Variants in SORCS3 observed in about 807,000 individuals in gnomAD.
The protein encoded by SORCS3 is VPS10 domain-containing receptor SorCS3.
SORCS3 carries 57 observed loss-of-function variants against 146.3 expected under a neutral mutation model. The ratio of observed to expected loss-of-function variants is 0.39; its 90% CI spans 0.31 to 0.49. The LOEUF is 0.49. SORCS3 is among the 20% of genes least tolerant of loss of function. The probability of loss-of-function intolerance (pLI) is 0.92; values close to 1 mark genes in which losing one functional copy is unlikely to be tolerated. For missense variants in SORCS3, 1,341 were observed against 1,575.5 expected (o/e 0.85, Z 2.52); for synonymous variants, 653 against 618.5 (o/e 1.06, Z -0.83).
chr10:104,948,902 C>G (rs952521918), intron 3 of SORCS3, among the ~76,000 whole-genome samples: 1 of 152,134 alleles, frequency 6.6e-6, no homozygotes, highest in African/African-American at 2.4e-5. Flanking sequence ...CCCAGCTACC[C>G]ACTAAATGTT....
intron 14 of SORCS3, among the ~76,000 whole-genome samples, chr10:105,185,005 C>A (rs945031473): frequency 1.3e-5 from 2 of 152,180 alleles, no homozygotes; most frequent in Non-Finnish European, 2.9e-5. Context: ...TCACTCTATT[C>A]TCTGCTTCTA....
chr10:104,986,546 C>G lies in SORCS3; in HGVS notation c.954+9053C>G, dbSNP rs2177742. On this transcript the variant is annotated intron_variant, in intron 4 of 26. Coordinates refer to ENST00000369701, the MANE Select transcript of SORCS3 (RefSeq NM_014978.3). The stretch of plus-strand genomic sequence containing the variant: ...GCTGTTTGGCGCAAGAGACTTCACT[C>G]TCAGCCTCCTGGCTTTCAACGTGCC... Among the ~76,000 whole-genome samples, 335 of 152,338 alleles carry G rather than the reference C, an allele frequency of 2.2e-3. 11 individuals are homozygous for G. In the East Asian group the frequency reaches 0.06, roughly 27 times the overall value.
intron 1 of SORCS3, among the ~76,000 whole-genome samples, chr10:104,734,147 T>G (rs193213709): frequency 1.1e-3 from 166 of 152,338 alleles, no homozygotes; most frequent in Non-Finnish European, 2.1e-3. Flanking sequence ...TGTCTACTTT[T>G]GTGGTTTGTT....
At chr10:104,996,228 C>CA (rs898680404) in intron 4 of SORCS3, among the ~76,000 whole-genome samples, 5 of 152,042 alleles carry the variant, frequency 3.3e-5, no homozygotes, top group African/African-American at 7.2e-5. Context: ...CCCCTACCTC[C>CA]AAAAAAATGG....
chr10:104,647,341 C>T (rs2015507195), intron 1 of SORCS3, among the ~76,000 whole-genome samples: 1 of 152,174 alleles, frequency 6.6e-6, no homozygotes, highest in South Asian at 2.1e-4. Flanking sequence ...TGAAAGGGCA[C>T]CTGTTATTCA....
Position 104,977,333 on chromosome 10 carries a change from A to C in SORCS3, c.796-2A>C. On this transcript the variant is annotated splice_acceptor_variant, in intron 3 of 26. Transcript: ENST00000369701. LOFTEE classifies it high-confidence loss of function. ...GTATATGTCCCTCTATCCTTTCTTT[A>C]GATTATGCTTCTCAGTGATCCTGAG... 1.2e-6 allele frequency: 2 copies of C among 1,608,944 alleles called. No individual in the cohort carries two copies. The highest frequency in any genetic ancestry group is 1.7e-6 in the Non-Finnish European group (2 of 1,177,988).
intron 2 of SORCS3, among the ~76,000 whole-genome samples, chr10:104,861,808 C>T (rs947951840): frequency 6.6e-6 from 1 of 152,162 alleles, no homozygotes; most frequent in South Asian, 2.1e-4. Flanking sequence ...TCCCACCGTC[C>T]TGGAGGCTGA....
At chr10:104,977,197 A>G (rs928995670) in intron 3 of SORCS3, 138 bp from the exon 4 acceptor site, 6 of 542,048 alleles carry the variant, frequency 1.1e-5, no homozygotes, top group African/African-American at 9.8e-5. Flanking sequence ...AGTTAATACA[A>G]GTATTTTTTA....
At chr10:105,168,343 C>T (rs996046818) in intron 13 of SORCS3, among the ~76,000 whole-genome samples, 10 of 152,064 alleles carry the variant, frequency 6.6e-5, no homozygotes, top group Non-Finnish European at 7.4e-5. Flanking sequence ...ATGATGACGA[C>T]GATGACAACG....
chr10:105,223,655 G>A (rs1238273744), intron 20 of SORCS3, among the ~76,000 whole-genome samples: 1 of 152,186 alleles, frequency 6.6e-6, no homozygotes, highest in Non-Finnish European at 1.5e-5. Context: ...AATTAAACAA[G>A]ATAACCCAGG....
intron 4 of SORCS3, among the ~76,000 whole-genome samples, chr10:105,024,300 C>A (rs1193820874): frequency 6.6e-6 from 1 of 151,926 alleles, no homozygotes; most frequent in Non-Finnish European, 1.5e-5. Context: ...GTGGCACACT[C>A]TTTTTTTTGT....
At chr10:105,022,125 T>C (rs1365606619) in intron 4 of SORCS3, among the ~76,000 whole-genome samples, 1 of 152,122 alleles carries the variant, frequency 6.6e-6, no homozygotes, top group South Asian at 2.1e-4. Context: ...GGCGACTACA[T>C]GTCATCCCTT....
rs1205341127 is a variant in SORCS3 at position 105,085,038 on chromosome 10, GCTT to G, written c.1029-4733_1029-4731del. 1.2e-4 allele frequency among the ~76,000 whole-genome samples: 19 copies of G among 152,258 alleles called. No homozygotes were observed. In the East Asian group the frequency reaches 1.9e-3, roughly 16 times the overall value. On this transcript the variant is annotated intron_variant, in intron 5 of 26. Transcript: ENST00000369701. Reference sequence around the variant, plus strand: ...AGCCACCGCGCCCGGCCAAGGCAGTGCTTCTTAACTGGGTGTGATTCTGCCACC... The same window carrying G: ...AGCCACCGCGCCCGGCCAAGGCAGTGCTTAACTGGGTGTGATTCTGCCACC...
In SORCS3 at chr10:105,247,247, C is replaced by T. The variant is rs1200165523; in HGVS notation, c.3021C>T (p.Phe1007=). 6.2e-7 allele frequency: 1 copy of T among 1,607,328 alleles called. No homozygotes were observed. The highest frequency in any genetic ancestry group is 1.1e-5 in the South Asian group (1 of 90,348). Residue 1007 remains phenylalanine (F), a synonymous_variant, in exon 22 of 27, where the codon TTC becomes TTT. Coordinates refer to ENST00000369701, the MANE Select transcript of SORCS3 (RefSeq NM_014978.3). ...HEYFQSQLLS[F]SPNLDYHNPD... ...ATTTCCAGTCCCAGCTTTTATCATT[C>T]TCTCCTAATCTGGATTACCACAATC...
At chr10:104,794,570 G>A (rs1362494903) in intron 1 of SORCS3, among the ~76,000 whole-genome samples, 2 of 146,368 alleles carry the variant, frequency 1.4e-5, no homozygotes, top group Admixed American at 7.0e-5. Context: ...AATCAAGGAG[G>A]GATATCAAGG....
chr10:105,057,064 A>G (rs540519374), intron 5 of SORCS3, among the ~76,000 whole-genome samples: 4 of 152,200 alleles, frequency 2.6e-5, no homozygotes, highest in Non-Finnish European at 5.9e-5. Context: ...GAGTTATAGA[A>G]AAGTTAGAGT....
intron 2 of SORCS3, among the ~76,000 whole-genome samples, chr10:104,869,746 T>G (rs770759693): frequency 1.3e-5 from 2 of 152,224 alleles, no homozygotes; most frequent in African/African-American, 4.8e-5. Context: ...CTACACATAT[T>G]ATGTAGTCCT....
chr10:105,147,841 T>C (rs1330630648), intron 9 of SORCS3, 45 bp downstream of exon 9: 8 of 1,539,726 alleles, frequency 5.2e-6, no homozygotes, highest in Non-Finnish European at 7.1e-6. Flanking sequence ...TCTCTCTTTT[T>C]CCTGAGTTTT....
chr10:104,764,732 G>A (rs2017159994), intron 1 of SORCS3, among the ~76,000 whole-genome samples: 1 of 152,120 alleles, frequency 6.6e-6, no homozygotes, highest in Non-Finnish European at 1.5e-5. Flanking sequence ...GCTTAACTAT[G>A]GTTCACCCAG....
Sources: gnomAD v4.1 joint callset for allele counts (sites outside exome capture counted in the v4.1 genomes callset) on GRCh38, gnomAD v4.1.1 for gene constraint, MANE v1.5 for transcripts, NCBI Gene and HGNC (gene_info 2026-07-23, HGNC 2026-07-21) for gene names.